KLHL7: variants seen among roughly 807,000 people sequenced by gnomAD.
KLHL7 encodes the protein kelch like family member 7.
A neutral mutation model predicts 67.4 loss-of-function variants in KLHL7; 44 were observed. The ratio of observed to expected loss-of-function variants is 0.65; its 90% CI spans 0.51 to 0.84. The LOEUF is 0.84. Ranked by LOEUF, KLHL7 falls within the 40% of genes least tolerant of loss-of-function variation. KLHL7 has a pLI of 0.00. For missense variants in KLHL7, 362 were observed against 718.1 expected, an observed-to-expected ratio of 0.50 and a Z score of 5.67; for synonymous variants, 252 against 243.3, an observed-to-expected ratio of 1.04 and a Z score of -0.33.
rs1315022630 is a variant in KLHL7, at chr7:23,140,752, T to G, written c.443-17T>G. 1 of 1,610,034 alleles carries G rather than the reference T, an allele frequency of 6.2e-7. No homozygotes were observed. The highest frequency in any genetic ancestry group is 2.2e-5 in the East Asian group (1 of 44,864). Reference sequence around the variant, plus strand: ...TAAAAATGATTTTCTATTCTTTTATTTTCTTTCTGTGTTTAGGTATAAGTG... The same window carrying G: ...TAAAAATGATTTTCTATTCTTTTATGTTCTTTCTGTGTTTAGGTATAAGTG... On this transcript the variant is annotated splice_polypyrimidine_tract_variant and intron_variant, in intron 4 of 10. Coordinates refer to ENST00000339077, the MANE Select transcript of KLHL7 (RefSeq NM_001031710.3).
intron 2 of KLHL7, among the ~76,000 whole-genome samples, chr7:23,124,146 G>GCA (rs1783465389): frequency 8.6e-6 from 1 of 115,730 alleles, no homozygotes; most frequent in Non-Finnish European, 1.6e-5. Flanking sequence ...AGCCGAGATT[G>GCA]CACCACTGCA....
intron 7 of KLHL7, chr7:23,156,095 A>G (rs886320107): frequency 1.3e-5 from 5 of 383,724 alleles, no homozygotes; most frequent in Middle Eastern, 5.5e-4. Flanking sequence ...GTCATTCCTA[A>G]TTGCACTTTG....
rs183818441 is a variant in KLHL7, at chr7:23,172,880, C to A, written c.1380-68C>A. The A allele has an allele frequency of 2.4e-5, 26 of 1,081,660 alleles. No individual in the cohort carries two copies. In the Admixed American group the frequency reaches 3.0e-4, roughly 13 times the overall value. 67.0% of individuals were successfully genotyped at this position (1,081,660 alleles called of 1,614,324 possible). On this transcript the variant is annotated intron_variant, in intron 9 of 10. Coordinates refer to ENST00000339077, the MANE Select transcript of KLHL7 (RefSeq NM_001031710.3). Reference sequence around the variant, plus strand: ...ATGAGCACTTAATTAGAATAATAGACCTTTCTCATTAGTATGAGTTCTTTT... The same window carrying A: ...ATGAGCACTTAATTAGAATAATAGAACTTTCTCATTAGTATGAGTTCTTTT...
intron 6 of KLHL7, among the ~76,000 whole-genome samples, chr7:23,150,823 G>C (rs1436222563): frequency 6.6e-6 from 1 of 152,122 alleles, no homozygotes; most frequent in East Asian, 1.9e-4. Context: ...AGTGAAAAAA[G>C]TATGATTTTA....
At chr7:23,148,379 A>AG (rs1784424512) in intron 6 of KLHL7, among the ~76,000 whole-genome samples, 1 of 147,528 alleles carries the variant, frequency 6.8e-6, no homozygotes, top group Admixed American at 6.8e-5. Context: ...CCTATATTTA[A>AG]GGGGTACAAG....
At chr7:23,123,366 C>T (rs747981921) in intron 1 of KLHL7, among the ~76,000 whole-genome samples, 1 of 151,242 alleles carries the variant, frequency 6.6e-6, no homozygotes, top group Non-Finnish European at 1.5e-5. Flanking sequence ...GAAAATAAAT[C>T]ATATAAAAAC....
In KLHL7 at chr7:23,165,946, C is replaced by T; in HGVS notation, c.1177+8C>T. The T allele has an allele frequency of 1.9e-6, 3 of 1,613,808 alleles. No homozygotes were observed. Among genetic ancestry groups the T allele is most frequent in the South Asian group, 1.1e-5 (1 of 91,020 alleles). ...CTGGAGGTTCAGAAGTAGGTAAGGA[C>T]TTCTTAAGTATTTTGGTTTGGGGCA... On this transcript the variant is annotated splice_region_variant and intron_variant, in intron 8 of 10. Coordinates refer to ENST00000339077, the MANE Select transcript of KLHL7 (RefSeq NM_001031710.3).
chr7:23,115,905 C>T (rs1469535116), intron 1 of KLHL7, among the ~76,000 whole-genome samples: 6 of 152,096 alleles, frequency 3.9e-5, no homozygotes, highest in Non-Finnish European at 7.4e-5. Context: ...ACTCAGCTAC[C>T]AGGTATCATA....
chr7:23,156,586 G>A (rs1460417840), intron 7 of KLHL7, among the ~76,000 whole-genome samples: 3 of 152,176 alleles, frequency 2.0e-5, no homozygotes, highest in South Asian at 2.1e-4. Flanking sequence ...GGCTTCATAC[G>A]GTGGAGAAAC....
chr7:23,133,913 C>A (rs1160830494), intron 4 of KLHL7, among the ~76,000 whole-genome samples: 1 of 152,116 alleles, frequency 6.6e-6, no homozygotes. Flanking sequence ...AATTTTATTT[C>A]TTCCTTTCTG....
intron 4 of KLHL7, among the ~76,000 whole-genome samples, chr7:23,136,116 TACA>T (rs1252994984): frequency 1.3e-5 from 2 of 152,060 alleles, no homozygotes; most frequent in African/African-American, 4.8e-5. Context: ...AGCTGGTGTC[TACA>T]ACAAGTTACT....
chr7:23,142,331 T>C (rs1228142163), intron 5 of KLHL7, among the ~76,000 whole-genome samples: 1 of 152,212 alleles, frequency 6.6e-6, no homozygotes, highest in Non-Finnish European at 1.5e-5. Flanking sequence ...TAAGATCATA[T>C]GTTTTAAGTT....
intron 1 of KLHL7, among the ~76,000 whole-genome samples, chr7:23,116,988 T>G (rs1783113319): frequency 1.3e-5 from 2 of 152,084 alleles, no homozygotes; most frequent in Non-Finnish European, 2.9e-5. Context: ...TAATGGCCTA[T>G]TATAGTTGTC....
At chr7:23,151,422 C>A (rs4289704) in intron 6 of KLHL7, among the ~76,000 whole-genome samples, 1 of 152,188 alleles carries the variant, frequency 6.6e-6, no homozygotes, top group Middle Eastern at 3.4e-3. Flanking sequence ...TAGTTCTGAC[C>A]TTATTGCATT....
Position 23,133,680 on chromosome 7 carries a change from C to T in KLHL7, c.443-7089C>T, listed in dbSNP as rs576379576. ...AACTCCTGACCTCAGGCGATCCGCC[C>T]GCCTCAGCCTCCCAAAGTGCTGGGA... is the stretch of plus-strand genomic sequence containing the variant. On this transcript the variant is annotated intron_variant, in intron 4 of 10. Transcript: ENST00000339077. Among the ~76,000 whole-genome samples the T allele has an allele frequency of 6.0e-4, 91 of 152,236 alleles. 1 individual carries two copies. Among genetic ancestry groups the T allele is most frequent in the African/African-American group, 2.0e-3 (84 of 41,550 alleles).
At chr7:23,113,284 G>A (rs1246405968) in intron 1 of KLHL7, among the ~76,000 whole-genome samples, 8 of 152,108 alleles carry the variant, frequency 5.3e-5, no homozygotes, top group Admixed American at 6.5e-5. Flanking sequence ...ATGAACTTAC[G>A]TTGAATATTA....
chr7:23,154,928 G>A (rs1784653613), intron 7 of KLHL7, among the ~76,000 whole-genome samples: 1 of 152,142 alleles, frequency 6.6e-6, no homozygotes, highest in Non-Finnish European at 1.5e-5. Flanking sequence ...TTTTGGTAGA[G>A]AAAGAAACTT....
chr7:23,149,425 C>T (rs566950354), intron 6 of KLHL7, among the ~76,000 whole-genome samples: 1 of 152,334 alleles, frequency 6.6e-6, no homozygotes, highest in African/African-American at 2.4e-5. Flanking sequence ...TCTTGTCTCT[C>T]TCCTTCCCTC....
At chr7:23,144,615 C>T (rs968006525) in intron 6 of KLHL7, among the ~76,000 whole-genome samples, 3 of 152,126 alleles carry the variant, frequency 2.0e-5, no homozygotes, top group African/African-American at 7.2e-5. Context: ...CTAGGGTTTC[C>T]TTCTGCACAA....
Sources: allele counts gnomAD v4.1 joint callset (sites outside exome capture counted in the v4.1 genomes callset), GRCh38; gene constraint gnomAD v4.1.1; transcripts MANE v1.5; gene names NCBI Gene and HGNC (gene_info 2026-07-23, HGNC 2026-07-21).